Variants in LYZL4 observed in about 807,000 individuals in gnomAD.
LYZL4 encodes lysozyme-like protein 4.
In LYZL4, 13 loss-of-function variants were observed where a neutral mutation model predicts 17.6. The observed-to-expected ratio is 0.74, with a 90% confidence interval of 0.48 to 1.18. The LOEUF is 1.18. Ranked by LOEUF, LYZL4 falls within the 50% of genes most tolerant of loss-of-function variation. The pLI, the probability that LYZL4 is intolerant of heterozygous loss-of-function variation, is 0.00. For missense variants in LYZL4, 174 were observed against 188.2 expected (o/e 0.92, Z 0.44); for synonymous variants, 64 against 67.7 (o/e 0.95, Z 0.27).
chr3:42,399,000 GA>G (rs1311388737), intron 4 of LYZL4, among the ~76,000 whole-genome samples: 1 of 151,934 alleles, frequency 6.6e-6, no homozygotes, highest in African/African-American at 2.4e-5. Context: ...TCAACATGAA[GA>G]AAAAAACCAT....
chr3:42,365,674 C>T, the LYZL4 span, among the ~76,000 whole-genome samples: 1 of 152,166 alleles, frequency 6.6e-6, no homozygotes, highest in South Asian at 2.1e-4. Context: ...AGTCCACCCA[C>T]CACAAGGCCA....
chr3:42,401,704 A>G (rs1294283075), intron 4 of LYZL4, among the ~76,000 whole-genome samples: 1 of 152,206 alleles, frequency 6.6e-6, no homozygotes, highest in Non-Finnish European at 1.5e-5. Flanking sequence ...CAGAATTGCA[A>G]AAAAATAAAG....
chr3:42,389,458 T>G, the LYZL4 span, among the ~76,000 whole-genome samples: 2 of 152,220 alleles, frequency 1.3e-5, no homozygotes, highest in South Asian at 4.1e-4. Context: ...TACAGGTGGC[T>G]GACTTGCTCC....
chr3:42,406,151 C>T (rs776063080), intron 3 of LYZL4, among the ~76,000 whole-genome samples: 6 of 152,030 alleles, frequency 3.9e-5, no homozygotes, highest in Non-Finnish European at 8.8e-5. Context: ...GCAGCAACTG[C>T]CCCCTTGAAA....
the LYZL4 span, among the ~76,000 whole-genome samples, chr3:42,380,696 G>T: frequency 2.0e-5 from 3 of 152,268 alleles, no homozygotes; most frequent in African/African-American, 7.2e-5. Flanking sequence ...TGATCTAAAA[G>T]AACAGACATC....
In LYZL4 at chr3:42,404,142, T is replaced by G. The variant is rs1577155357; in HGVS notation, c.293-18A>C. On this transcript the variant is annotated intron_variant, in intron 3 of 4. Transcript: ENST00000287748. ...CAGTAAAGCTGTGGGGAAAAGAAAA[T>G]GGAAGATACCATGCTGCCATATGAC... 1 of 1,545,760 alleles carries G rather than the reference T, an allele frequency of 6.5e-7. No homozygotes were observed. Among genetic ancestry groups the G allele is most frequent in the African/African-American group, 1.4e-5 (1 of 73,502 alleles).
the LYZL4 span, among the ~76,000 whole-genome samples, chr3:42,379,928 A>ATC: frequency 2.0e-5 from 3 of 152,040 alleles, no homozygotes; most frequent in African/African-American, 7.2e-5. Context: ...GAAACACAGG[A>ATC]TCTCTCTCTC....
chr3:42,400,779 C>T (rs567905504), intron 4 of LYZL4, among the ~76,000 whole-genome samples: 23 of 151,532 alleles, frequency 1.5e-4, no homozygotes, highest in East Asian at 1.9e-4. Flanking sequence ...AAATGTGGGA[C>T]GGGGGGAGAA....
At chr3:42,363,418 G>C in the LYZL4 span, among the ~76,000 whole-genome samples, 1 of 152,146 alleles carries the variant, frequency 6.6e-6, no homozygotes, top group Non-Finnish European at 1.5e-5. Context: ...GTGAAGTATC[G>C]TGATAGCTGC....
chr3:42,364,772 C>A, the LYZL4 span, among the ~76,000 whole-genome samples: 4 of 152,250 alleles, frequency 2.6e-5, no homozygotes, highest in South Asian at 8.3e-4. Flanking sequence ...CCACGCCCAG[C>A]CTCAGTGTCA....
the LYZL4 span, among the ~76,000 whole-genome samples, chr3:42,372,435 G>C: frequency 6.6e-6 from 1 of 152,344 alleles, no homozygotes; most frequent in East Asian, 1.9e-4. Flanking sequence ...CTGAGACAAG[G>C]AGTTGATTTG....
the LYZL4 span, among the ~76,000 whole-genome samples, chr3:42,366,663 A>G: frequency 7.2e-5 from 11 of 152,112 alleles, no homozygotes; most frequent in Non-Finnish European, 1.3e-4. Context: ...CTTTGTTCAC[A>G]CTTCCATCCC....
chr3:42,365,848 T>C, the LYZL4 span, among the ~76,000 whole-genome samples: 2 of 152,234 alleles, frequency 1.3e-5, no homozygotes, highest in African/African-American at 2.4e-5. Context: ...ATTGGCATTT[T>C]TCTAATTTTC....
chr3:42,374,053 C>T, the LYZL4 span, among the ~76,000 whole-genome samples: 1 of 152,090 alleles, frequency 6.6e-6, no homozygotes, highest in Non-Finnish European at 1.5e-5. Flanking sequence ...GAGCGTTCCT[C>T]GAGGTTTATA....
At chr3:42,376,510 T>C in the LYZL4 span, among the ~76,000 whole-genome samples, 1 of 152,240 alleles carries the variant, frequency 6.6e-6, no homozygotes, top group Non-Finnish European at 1.5e-5. Context: ...CAATTTTCTT[T>C]CCAGTTTGTT....
chr3:42,374,500 C>T, the LYZL4 span, among the ~76,000 whole-genome samples: 1 of 152,214 alleles, frequency 6.6e-6, no homozygotes, highest in South Asian at 2.1e-4. Context: ...GTGATGGTTT[C>T]ATGCCAACCA....
chr3:42,369,250 A>G, the LYZL4 span, among the ~76,000 whole-genome samples: 1 of 151,724 alleles, frequency 6.6e-6, no homozygotes, highest in South Asian at 2.1e-4. Flanking sequence ...AAAATAATAC[A>G]TTTAAATATA....
intron 4 of LYZL4, among the ~76,000 whole-genome samples, chr3:42,402,576 T>C (rs895340816): frequency 6.6e-6 from 1 of 152,074 alleles, no homozygotes; most frequent in Non-Finnish European, 1.5e-5. Flanking sequence ...AAAACCATAA[T>C]GCAATACCAC....
intron 4 of LYZL4, 22 bp downstream of exon 4, chr3:42,404,024 T>C: frequency 6.5e-7 from 1 of 1,531,518 alleles, no homozygotes; most frequent in South Asian, 1.1e-5. Flanking sequence ...TAATACAGGC[T>C]ACATAAAAAT....
Sources: allele counts gnomAD v4.1 joint callset (sites outside exome capture counted in the v4.1 genomes callset), GRCh38; gene constraint gnomAD v4.1.1; transcripts MANE v1.5; gene names NCBI Gene and HGNC (gene_info 2026-07-23, HGNC 2026-07-21).